The following INSYN2A variants were observed in gnomAD, a reference collection of about 807,000 sequenced individuals.
INSYN2A encodes family with sequence similarity 196 member A.
In INSYN2A, 17 loss-of-function variants were observed where a neutral mutation model predicts 39.4. The observed-to-expected ratio is 0.43, with a 90% CI of 0.30 to 0.65. The LOEUF is 0.65. Ranked by LOEUF, INSYN2A falls within the 30% of genes least tolerant of loss-of-function variation. The probability of loss-of-function intolerance (pLI) is 0.14; values close to 1 mark genes in which losing one functional copy is unlikely to be tolerated. For synonymous variants in INSYN2A, 255 were observed against 265.7 expected (o/e 0.96, Z 0.39); for missense variants, 595 against 631.2 (o/e 0.94, Z 0.61).
At chr10:127,165,489 T>G (rs1439661595) in intron 4 of INSYN2A, among the ~76,000 whole-genome samples, 1 of 152,188 alleles carries the variant, frequency 6.6e-6, no homozygotes, top group Non-Finnish European at 1.5e-5. Context: ...TTTACTGCCT[T>G]TTTGGTTGAA....
chr10:127,157,589 T>C (rs1369281460), intron 4 of INSYN2A, among the ~76,000 whole-genome samples: 1 of 152,232 alleles, frequency 6.6e-6, no homozygotes, highest in Non-Finnish European at 1.5e-5. Context: ...TCCTGAGAAA[T>C]GGTTTGGCTG....
intron 5 of INSYN2A, among the ~76,000 whole-genome samples, chr10:127,142,958 C>G (rs1431870560): frequency 1.3e-5 from 2 of 152,222 alleles, no homozygotes; most frequent in African/African-American, 2.4e-5. Flanking sequence ...AGGCTGCTCT[C>G]CAGCCTGCAC....
At chr10:127,155,878 G>A (rs1226208052) in intron 4 of INSYN2A, among the ~76,000 whole-genome samples, 2 of 152,140 alleles carry the variant, frequency 1.3e-5, no homozygotes, top group East Asian at 1.9e-4. Flanking sequence ...GCAATGGCAC[G>A]GTCCACGCTG....
chr10:127,147,485 A>T (rs1312041157), intron 5 of INSYN2A, among the ~76,000 whole-genome samples: 1 of 151,862 alleles, frequency 6.6e-6, no homozygotes, highest in African/African-American at 2.4e-5. Flanking sequence ...ACGTCCTTGC[A>T]CCTGTGGCTC....
intron 4 of INSYN2A, among the ~76,000 whole-genome samples, chr10:127,172,844 G>A (rs2054705418): frequency 6.6e-6 from 1 of 152,174 alleles, no homozygotes. Flanking sequence ...TGGGATACCG[G>A]AGTGAATGAC....
At position 127,136,463 on chromosome 10, in the gene INSYN2A, A is replaced by G. The variant is rs1369485370; in HGVS notation, c.*1374T>C. ...TTTCCTGTATGCTCACAAACTATTC[A>G]AAATTTAAGTTGTACAAAAAAAAAA... On this transcript the variant is annotated 3_prime_UTR_variant, in exon 6 of 6. Transcript: ENST00000522781. 6.6e-6 allele frequency: 1 copy of G among 150,784 alleles called. No individual in the cohort carries two copies. Among genetic ancestry groups the G allele is most frequent in the Non-Finnish European group, 1.5e-5 (1 of 67,946 alleles). The allele number at this position is 150,784 out of a possible 1,614,324, so 9.3% of individuals were successfully genotyped here. A position where few individuals can be genotyped will look rare whatever the true frequency, so the allele number is the denominator to read the frequency against.
At chr10:127,179,922 T>C (rs1299835638) in intron 2 of INSYN2A, among the ~76,000 whole-genome samples, 1 of 152,220 alleles carries the variant, frequency 6.6e-6, no homozygotes, top group Admixed American at 6.5e-5. Context: ...ATCCTCATCA[T>C]ATCCTTACAA....
chr10:127,147,542 C>T (rs893026420), intron 5 of INSYN2A, among the ~76,000 whole-genome samples: 1 of 152,154 alleles, frequency 6.6e-6, no homozygotes, highest in African/African-American at 2.4e-5. Flanking sequence ...TCTGTCCTTA[C>T]CCTCATCCCG....
chr10:127,143,865 C>T (rs1338753536), intron 5 of INSYN2A, among the ~76,000 whole-genome samples: 3 of 152,126 alleles, frequency 2.0e-5, no homozygotes, highest in African/African-American at 4.8e-5. Flanking sequence ...AACACATCTC[C>T]GTGTGCATAT....
chr10:127,190,581 C>A (rs1167525), intron 2 of INSYN2A, among the ~76,000 whole-genome samples: 1 of 150,422 alleles, frequency 6.6e-6, no homozygotes, highest in Non-Finnish European at 1.5e-5. Context: ...CATTCTAGGA[C>A]GTAAGAGATA....
At chr10:127,187,207 G>C (rs540313932) in intron 2 of INSYN2A, among the ~76,000 whole-genome samples, 1 of 152,310 alleles carries the variant, frequency 6.6e-6, no homozygotes, top group East Asian at 1.9e-4. Context: ...AAATATTCCT[G>C]CGTTTGCCTC....
At chr10:127,160,525 A>G (rs2053508043) in intron 4 of INSYN2A, among the ~76,000 whole-genome samples, 3 of 152,194 alleles carry the variant, frequency 2.0e-5, no homozygotes, top group African/African-American at 7.2e-5. Flanking sequence ...GCTCTTTTAA[A>G]TGCCTTGTTA....
At chr10:127,141,926 G>A (rs2051299099) in intron 5 of INSYN2A, among the ~76,000 whole-genome samples, 1 of 152,200 alleles carries the variant, frequency 6.6e-6, no homozygotes, top group Admixed American at 6.5e-5. Flanking sequence ...CATACTCCAG[G>A]ATCTTTTTGG....
Position 127,137,893 on chromosome 10 carries a change from G to C in INSYN2A, c.1384C>G (p.Gln462Glu), listed in dbSNP as rs542825513. The C allele has an allele frequency of 8.7e-6, 14 of 1,614,124 alleles. No individual in the cohort carries two copies. Among genetic ancestry groups the C allele is most frequent in the Admixed American group, 3.3e-5 (2 of 60,018 alleles). The change falls in exon 6 of 6, where the codon CAA becomes GAA. Residue 462 changes from glutamine (Q) to glutamate (E), a missense_variant. Transcript: ENST00000522781. Reference protein sequence around the residue: ...SQETYSSTPKQKSKTESKKHG... With the variant: ...SQETYSSTPKEKSKTESKKHG... ...TTTTTAGATTCAGTTTTGGATTTTT[G>C]CTTGGGAGTTGAGGAGTAAGTCTCC...
At chr10:127,149,346 G>C (rs902704701) in intron 5 of INSYN2A, among the ~76,000 whole-genome samples, 1 of 152,292 alleles carries the variant, frequency 6.6e-6, no homozygotes, top group South Asian at 2.1e-4. Flanking sequence ...TTCGCTTGTC[G>C]TACTGGTGGT....
At chr10:127,185,490 C>T (rs1286049949) in intron 2 of INSYN2A, among the ~76,000 whole-genome samples, 6 of 152,204 alleles carry the variant, frequency 3.9e-5, no homozygotes, top group Non-Finnish European at 5.9e-5. Context: ...TGCACCACTG[C>T]ACTCCAGCAA....
At chr10:127,161,890 T>C (rs1176673902) in intron 4 of INSYN2A, among the ~76,000 whole-genome samples, 1 of 152,202 alleles carries the variant, frequency 6.6e-6, no homozygotes, top group East Asian at 1.9e-4. Context: ...TGTCTTTGTC[T>C]CAGATCTATG....
intron 4 of INSYN2A, among the ~76,000 whole-genome samples, chr10:127,159,742 G>A (rs2053420953): frequency 6.6e-6 from 1 of 152,122 alleles, no homozygotes; most frequent in African/African-American, 2.4e-5. Context: ...AAGAAACAAA[G>A]AAGGGCAGGC....
At chr10:127,180,805 A>G (rs561269098) in intron 2 of INSYN2A, among the ~76,000 whole-genome samples, 264 of 152,370 alleles carry the variant, frequency 1.7e-3, no homozygotes, top group Non-Finnish European at 2.8e-3. Context: ...TATCATAGAA[A>G]AACACGAAAT....
Sources: gnomAD v4.1 joint callset for allele counts (sites outside exome capture counted in the v4.1 genomes callset) on GRCh38, gnomAD v4.1.1 for gene constraint, MANE v1.5 for transcripts, NCBI Gene and HGNC (gene_info 2026-07-23, HGNC 2026-07-21) for gene names.